The following DLGAP2 variants were observed in gnomAD, a reference collection of about 807,000 sequenced individuals.
DLGAP2 encodes disks large-associated protein 2.
A neutral mutation model predicts 100.3 loss-of-function variants in DLGAP2; 26 were observed. The ratio of observed to expected loss-of-function variants is 0.26; its 90% CI spans 0.19 to 0.36. DLGAP2 has a LOEUF of 0.36. Ranked by LOEUF, DLGAP2 falls within the 10% of genes least tolerant of loss-of-function variation. The probability of loss-of-function intolerance (pLI) is 1.00; values close to 1 mark genes in which losing one functional copy is unlikely to be tolerated. For synonymous variants in DLGAP2, 886 were observed against 630.1 expected, an observed-to-expected ratio of 1.41 and a Z score of -6.08; for missense variants, 1,858 against 1,453.2, an observed-to-expected ratio of 1.28 and a Z score of -4.53.
intron 2 of DLGAP2, among the ~76,000 whole-genome samples, chr8:1,178,331 C>G (rs948439670): frequency 3.3e-5 from 5 of 152,168 alleles, no homozygotes; most frequent in Admixed American, 6.5e-5. Context: ...GAGAGAGTGT[C>G]TGCTGGCCGG....
intron 2 of DLGAP2, among the ~76,000 whole-genome samples, chr8:1,206,780 C>T (rs138760684): frequency 6.6e-6 from 1 of 152,338 alleles, no homozygotes; most frequent in East Asian, 1.9e-4. Context: ...GCCATCGCTG[C>T]TACCATTCTT....
At chr8:1,131,228 C>T (rs1372644638) in intron 2 of DLGAP2, among the ~76,000 whole-genome samples, 5 of 152,068 alleles carry the variant, frequency 3.3e-5, no homozygotes, top group Admixed American at 1.3e-4. Flanking sequence ...TCAGGGGTGC[C>T]GGGCACGTGC....
chr8:1,108,911 A>G (rs1186033898), intron 2 of DLGAP2, among the ~76,000 whole-genome samples: 14 of 109,208 alleles, frequency 1.3e-4, no homozygotes, highest in African/African-American at 2.2e-4. Context: ...GTGCCTATGA[A>G]GTGTGCTGGA....
intron 2 of DLGAP2, among the ~76,000 whole-genome samples, chr8:1,039,504 T>C (rs1336853154): frequency 7.2e-6 from 1 of 138,624 alleles, no homozygotes; most frequent in African/African-American, 2.8e-5. Flanking sequence ...GTGTGCATGG[T>C]CGGCTCGGTG....
At chr8:1,093,352 C>T (rs1019585838) in intron 2 of DLGAP2, among the ~76,000 whole-genome samples, 3 of 135,560 alleles carry the variant, frequency 2.2e-5, no homozygotes, top group Non-Finnish European at 4.4e-5. Flanking sequence ...AACACCTTCA[C>T]ACCAACAGCC....
chr8:1,303,258 G>A (rs1032807660), intron 3 of DLGAP2, among the ~76,000 whole-genome samples: 3 of 152,254 alleles, frequency 2.0e-5, no homozygotes, highest in Admixed American at 6.5e-5. Context: ...CTAGCCGGGC[G>A]TGGTGGCGGG....
At chr8:1,618,340 T>A (rs1348191651) in intron 6 of DLGAP2, among the ~76,000 whole-genome samples, 1 of 152,192 alleles carries the variant, frequency 6.6e-6, no homozygotes, top group Non-Finnish European at 1.5e-5. Context: ...GAAAATGCAG[T>A]TAGTTTTAAA....
chr8:1,507,203 A>G (rs537146354), intron 4 of DLGAP2, among the ~76,000 whole-genome samples: 1 of 152,292 alleles, frequency 6.6e-6, no homozygotes, highest in East Asian at 1.9e-4. Flanking sequence ...GCCGCGGAGC[A>G]GGGGGCAGCG....
rs146303738 is a variant in DLGAP2 at position 1,004,691 on chromosome 8, G to A, written c.73+96725G>A. Among the ~76,000 whole-genome samples, 400 of 152,276 alleles carry A rather than the reference G, an allele frequency of 2.6e-3. 1 individual carries two copies. The highest frequency in any genetic ancestry group is 9.3e-3 in the African/African-American group (387 of 41,556). On this transcript the variant is annotated intron_variant, in intron 2 of 14. Coordinates refer to ENST00000637795, the MANE Select transcript of DLGAP2 (RefSeq NM_001346810.2). ...TTAATTTCATTTTCTTAGGAAGGTG[G>A]GAGTGTCTCCAGTATGTGCGGCATC...
intron 3 of DLGAP2, among the ~76,000 whole-genome samples, chr8:1,314,460 G>C (rs1800682331): frequency 1.3e-5 from 2 of 152,316 alleles, no homozygotes; most frequent in South Asian, 4.1e-4. Context: ...AGAGCTGTCT[G>C]TGCTGTAACA....
chr8:1,096,797 T>G (rs1804387504), intron 2 of DLGAP2, among the ~76,000 whole-genome samples: 1 of 142,452 alleles, frequency 7.0e-6, no homozygotes, highest in Non-Finnish European at 1.5e-5. Context: ...AGAGGTCCCC[T>G]CCAGTGTGAG....
chr8:1,469,471 G>C (rs951895258), intron 3 of DLGAP2, among the ~76,000 whole-genome samples: 1 of 152,228 alleles, frequency 6.6e-6, no homozygotes, highest in African/African-American at 2.4e-5. Context: ...CATTTCCTGT[G>C]CAGGAGAGGT....
intron 3 of DLGAP2, among the ~76,000 whole-genome samples, chr8:1,450,736 C>T (rs1175992621): frequency 6.6e-6 from 1 of 152,116 alleles, no homozygotes; most frequent in Admixed American, 6.5e-5. Context: ...GCGACAGGCA[C>T]CGTCCTCCAC....
At position 1,702,294 on chromosome 8, in the gene DLGAP2, AT is replaced by A. The variant is rs1201594330; in HGVS notation, c.*895del. ...AGTTTCACCATTTACGCTACATGTG[AT>A]TTTTTTAATGTATGTATATATATAT... On this transcript the variant is annotated 3_prime_UTR_variant, in exon 15 of 15. Transcript: ENST00000637795. 1.3e-5 allele frequency: 2 copies of A among 152,106 alleles called. No individual in the cohort carries two copies. The highest frequency in any genetic ancestry group is 2.4e-5 in the African/African-American group (1 of 41,322). The allele number at this position is 152,106 out of a possible 1,614,324, so 9.4% of individuals were successfully genotyped here.
At chr8:743,207 T>C (rs948204760) in intron 1 of DLGAP2, among the ~76,000 whole-genome samples, 8 of 152,206 alleles carry the variant, frequency 5.3e-5, no homozygotes, top group African/African-American at 1.9e-4. Context: ...GAAACACATG[T>C]GATAACCATG....
intron 2 of DLGAP2, among the ~76,000 whole-genome samples, chr8:969,183 G>A (rs1452539883): frequency 6.6e-6 from 1 of 152,182 alleles, no homozygotes; most frequent in Non-Finnish European, 1.5e-5. Context: ...TGACTAGAAT[G>A]AAGGACACCT....
At chr8:1,171,077 T>C (rs1797118584) in intron 2 of DLGAP2, among the ~76,000 whole-genome samples, 1 of 152,186 alleles carries the variant, frequency 6.6e-6, no homozygotes, top group African/African-American at 2.4e-5. Context: ...TTCTGGTATG[T>C]TGTGTCTTTG....
intron 2 of DLGAP2, among the ~76,000 whole-genome samples, chr8:1,229,993 T>TA (rs1486607859): frequency 2.0e-5 from 3 of 152,220 alleles, no homozygotes; most frequent in Admixed American, 6.5e-5. Context: ...CCACTCCTAT[T>TA]CAACATAGTG....
chr8:1,041,735 C>T (rs373368967), intron 2 of DLGAP2, among the ~76,000 whole-genome samples: 3 of 117,326 alleles, frequency 2.6e-5, no homozygotes, highest in African/African-American at 7.8e-5. Context: ...GAGCCCCTTG[C>T]CGTGGGTGAG....
Sources: allele counts gnomAD v4.1 joint callset (sites outside exome capture counted in the v4.1 genomes callset), GRCh38; gene constraint gnomAD v4.1.1; transcripts MANE v1.5; gene names NCBI Gene and HGNC (gene_info 2026-07-23, HGNC 2026-07-21).